The following DCP1A variants were observed in gnomAD, a reference collection of about 807,000 sequenced individuals.
DCP1A encodes decapping mRNA 1A.
Under a neutral mutation model 58.0 loss-of-function variants are expected in DCP1A, and 20 were observed. The observed-to-expected ratio is 0.34, with a 90% CI of 0.24 to 0.50. The LOEUF (loss-of-function observed/expected upper bound fraction) is 0.50. Ranked by LOEUF, DCP1A falls within the 20% of genes least tolerant of loss-of-function variation. The pLI is 0.98. For synonymous variants in DCP1A, 285 were observed against 275.1 expected, an observed-to-expected ratio of 1.04 and a Z score of -0.36; for missense variants, 613 against 712.2, an observed-to-expected ratio of 0.86 and a Z score of 1.59.
intron 8 of DCP1A, among the ~76,000 whole-genome samples, chr3:53,289,037 GT>G (rs1214544889): frequency 6.6e-6 from 1 of 151,166 alleles, no homozygotes; most frequent in African/African-American, 2.4e-5. Flanking sequence ...TTAAGGCAGG[GT>G]CTCATTCTGT....
At chr3:53,296,075 TAG>T (rs1366676688) in intron 6 of DCP1A, among the ~76,000 whole-genome samples, 4 of 152,106 alleles carry the variant, frequency 2.6e-5, no homozygotes, top group Admixed American at 2.6e-4. Flanking sequence ...GTATTTTTTG[TAG>T]AGACAGGATT....
chr3:53,299,194 A>G (rs782430337), intron 6 of DCP1A, among the ~76,000 whole-genome samples: 1 of 152,246 alleles, frequency 6.6e-6, no homozygotes, highest in Non-Finnish European at 1.5e-5. Flanking sequence ...CAAATTCCCA[A>G]AAGTTTCACA....
intron 3 of DCP1A, among the ~76,000 whole-genome samples, chr3:53,321,165 A>AC (rs1375693148): frequency 6.6e-6 from 1 of 152,232 alleles, no homozygotes; most frequent in Non-Finnish European, 1.5e-5. Flanking sequence ...GGGGTTTGTA[A>AC]GACACTTTGC....
intron 3 of DCP1A, chr3:53,329,560 A>G: frequency 2.6e-6 from 1 of 389,434 alleles, no homozygotes; most frequent in South Asian, 1.4e-4. Flanking sequence ...ACTAGTAGAT[A>G]TATGACATTA....
chr3:53,339,064 T>C (rs1424615202), intron 3 of DCP1A, among the ~76,000 whole-genome samples: 9 of 152,176 alleles, frequency 5.9e-5, no homozygotes, highest in African/African-American at 2.2e-4. Context: ...AGTGCAGCTA[T>C]AGAATCAGGT....
intron 7 of DCP1A, among the ~76,000 whole-genome samples, 169 bp from the exon 8 acceptor site, chr3:53,291,025 C>T (rs1276359968): frequency 6.6e-6 from 1 of 152,110 alleles, no homozygotes; most frequent in Admixed American, 6.5e-5. Flanking sequence ...CTGACAGGAA[C>T]CTGTAACCAT....
chr3:53,291,779 A>G (rs1706885261), intron 7 of DCP1A, among the ~76,000 whole-genome samples: 1 of 152,172 alleles, frequency 6.6e-6, no homozygotes, highest in Admixed American at 6.5e-5. Flanking sequence ...TAGGGAGTTA[A>G]GCTTTGGAAT....
intron 4 of DCP1A, among the ~76,000 whole-genome samples, chr3:53,315,741 G>GTTTTTTTTTTTTTTTT (rs1553689168): frequency 2.6e-5 from 2 of 75,688 alleles, no homozygotes; most frequent in African/African-American, 8.7e-5. Context: ...AAATCAGTTT[G>GTTTTTTTTTTTTTTTT]TTGTTTTTTT....
intron 5 of DCP1A, among the ~76,000 whole-genome samples, chr3:53,307,601 T>C (rs782722558): frequency 4.3e-4 from 66 of 152,236 alleles, no homozygotes; most frequent in Non-Finnish European, 8.4e-4. Flanking sequence ...GTATTTCTGA[T>C]ACTTGTGCAG....
intron 3 of DCP1A, among the ~76,000 whole-genome samples, chr3:53,322,866 C>T (rs1165110327): frequency 6.6e-6 from 1 of 150,456 alleles, no homozygotes; most frequent in Non-Finnish European, 1.5e-5. Flanking sequence ...GGCTGGAGTG[C>T]AGTGGCACGA....
rs1375740516 is a variant in DCP1A at position 53,283,877 on chromosome 3, G to A, written c.*3703C>T. On this transcript the variant is annotated 3_prime_UTR_variant, in exon 10 of 10. Transcript: ENST00000610213. ...CAAATACAAAACGGAGGGAATCACT[G>A]CACACATCTGTTGAATTTGCTGAAA... 2 of 152,176 alleles carry A rather than the reference G, an allele frequency of 1.3e-5. No homozygotes were observed. The highest frequency in any genetic ancestry group is 4.8e-5 in the African/African-American group (2 of 41,426). The allele number at this position is 152,176 out of a possible 1,614,324, so 9.4% of individuals were successfully genotyped here. A position where few individuals can be genotyped will look rare whatever the true frequency, so the allele number is the denominator to read the frequency against.
chr3:53,318,804 T>A (rs144798837), intron 4 of DCP1A, among the ~76,000 whole-genome samples: 26 of 152,334 alleles, frequency 1.7e-4, no homozygotes, highest in African/African-American at 6.3e-4. Flanking sequence ...AGAGTCTGTG[T>A]CAAAAACAAG....
chr3:53,336,845 G>GATTGATTGATTTATTTATTT (rs150269227), intron 3 of DCP1A, among the ~76,000 whole-genome samples: 2 of 144,212 alleles, frequency 1.4e-5, no homozygotes, highest in African/African-American at 2.6e-5. Flanking sequence ...CCAAAGCCCA[G>GATTGATTGATTTATTTATTT]ATTTATTTAT....
At chr3:53,342,121 T>C (rs782160953) in intron 3 of DCP1A, 23 bp downstream of exon 3, 4 of 1,568,002 alleles carry the variant, frequency 2.6e-6, no homozygotes, top group Non-Finnish European at 3.5e-6. Context: ...ATGTAATAAC[T>C]ATAATAAAAC....
intron 3 of DCP1A, among the ~76,000 whole-genome samples, chr3:53,338,820 C>A (rs868956190): frequency 2.1e-5 from 3 of 141,376 alleles, no homozygotes. Context: ...AAGATCATGC[C>A]ACTGCACTCC....
intron 3 of DCP1A, among the ~76,000 whole-genome samples, chr3:53,337,528 T>C (rs1195886848): frequency 1.3e-5 from 2 of 152,270 alleles, no homozygotes; most frequent in African/African-American, 4.8e-5. Flanking sequence ...GTGGTTTAAA[T>C]GATTTAGCCA....
At chr3:53,302,749 G>A (rs983647122) in intron 6 of DCP1A, among the ~76,000 whole-genome samples, 7 of 150,384 alleles carry the variant, frequency 4.7e-5, no homozygotes, top group East Asian at 2.0e-4. Flanking sequence ...TCAGCTTCCC[G>A]AATAGCTGGG....
chr3:53,308,429 C>T (rs189475496), intron 5 of DCP1A, among the ~76,000 whole-genome samples: 12 of 152,054 alleles, frequency 7.9e-5, no homozygotes, highest in Non-Finnish European at 1.5e-4. Context: ...ACAGCCAGGA[C>T]CACAGGTGCA....
At chr3:53,307,362 G>C (rs1707507264) in intron 5 of DCP1A, among the ~76,000 whole-genome samples, 1 of 152,116 alleles carries the variant, frequency 6.6e-6, no homozygotes, top group African/African-American at 2.4e-5. Context: ...TTAGAGACAG[G>C]CTGGATAAGG....
Sources: allele counts gnomAD v4.1 joint callset (sites outside exome capture counted in the v4.1 genomes callset), GRCh38; gene constraint gnomAD v4.1.1; transcripts MANE v1.5; gene names NCBI Gene and HGNC (gene_info 2026-07-23, HGNC 2026-07-21).